Variants in DGKB observed in about 807,000 individuals in gnomAD.
DGKB encodes the protein 90 kDa diacylglycerol kinase.
Under a neutral mutation model 114.3 loss-of-function variants are expected in DGKB, and 67 were observed. The ratio of observed to expected loss-of-function variants is 0.59; its 90% CI spans 0.48 to 0.72. The LOEUF is 0.72. Among genes scored for constraint, DGKB ranks in the 30% least tolerant of loss-of-function variants. DGKB has a pLI of 0.00. For synonymous variants in DGKB, 398 were observed against 323.1 expected (o/e 1.23, Z -2.49); for missense variants, 907 against 975.2 (o/e 0.93, Z 0.93).
intron 2 of DGKB, among the ~76,000 whole-genome samples, chr7:14,767,800 A>C (rs1048507848): frequency 1.3e-5 from 2 of 152,008 alleles, no homozygotes; most frequent in Non-Finnish European, 2.9e-5. Context: ...GAATGTGTAC[A>C]TTAAAAATAT....
At chr7:14,739,468 G>T (rs191667179) in intron 4 of DGKB, among the ~76,000 whole-genome samples, 1 of 152,306 alleles carries the variant, frequency 6.6e-6, no homozygotes, top group African/African-American at 2.4e-5. Context: ...GTGGAAACCC[G>T]AATGCAGGAC....
In DGKB at chr7:14,276,366, C is replaced by G. The variant is rs189312763; in HGVS notation, c.2122+62149G>C. Among the ~76,000 whole-genome samples the G allele has an allele frequency of 8.5e-5, 13 of 152,246 alleles. No individual in the cohort carries two copies. In the East Asian group the frequency reaches 2.5e-3, roughly 29 times the overall value. The stretch of plus-strand genomic sequence containing the variant: ...GTACTTCTTTCAAAAAGTATTTTCT[C>G]AACCAATAAAGACATGATAAAATAT... On this transcript the variant is annotated intron_variant, in intron 23 of 25. Coordinates refer to ENST00000402815, the MANE Select transcript of DGKB (RefSeq NM_001350709.2).
intron 21 of DGKB, among the ~76,000 whole-genome samples, chr7:14,349,716 AAATTTT>A (rs1414005714): frequency 6.6e-6 from 1 of 152,178 alleles, no homozygotes; most frequent in Admixed American, 6.6e-5. Context: ...GAAGGCTGTT[AAATTTT>A]ATTTTTTTCA....
chr7:14,928,049 G>A (rs1367305299), intron 1 of DGKB, among the ~76,000 whole-genome samples: 4 of 151,886 alleles, frequency 2.6e-5, no homozygotes, highest in Non-Finnish European at 4.4e-5. Context: ...TAATGAAATA[G>A]TCTGTGAATT....
At chr7:14,885,773 C>A (rs1437403770) in intron 1 of DGKB, among the ~76,000 whole-genome samples, 2 of 151,842 alleles carry the variant, frequency 1.3e-5, no homozygotes, top group Admixed American at 1.3e-4. Context: ...ATTTGAAAAA[C>A]TGAACATTGT....
chr7:14,943,050 A>G (rs1020632839), intron 1 of DGKB, among the ~76,000 whole-genome samples: 1 of 151,932 alleles, frequency 6.6e-6, no homozygotes, highest in East Asian at 1.9e-4. Context: ...TTGCTCATTA[A>G]ATATTCGTTG....
intron 13 of DGKB, among the ~76,000 whole-genome samples, chr7:14,670,914 T>A (rs1818858685): frequency 6.6e-6 from 1 of 152,212 alleles, no homozygotes; most frequent in South Asian, 2.1e-4. Flanking sequence ...ATACTAGGCA[T>A]GCAATGAATA....
intron 21 of DGKB, among the ~76,000 whole-genome samples, chr7:14,399,972 T>A (rs1230420452): frequency 5.3e-5 from 8 of 151,842 alleles, no homozygotes. Context: ...CACCATAAAT[T>A]TTGACGATAA....
At chr7:14,402,432 T>A (rs1346896942) in intron 21 of DGKB, among the ~76,000 whole-genome samples, 1 of 152,016 alleles carries the variant, frequency 6.6e-6, no homozygotes, top group African/African-American at 2.4e-5. Flanking sequence ...GCTAATACAA[T>A]TCTTTATGAC....
At chr7:14,338,428 T>C in intron 23 of DGKB, 87 bp downstream of exon 23, 2 of 714,018 alleles carry the variant, frequency 2.8e-6, no homozygotes, top group Non-Finnish European at 4.4e-6. Context: ...TAAATTATTA[T>C]AGTGCAACGG....
intron 2 of DGKB, among the ~76,000 whole-genome samples, chr7:14,805,113 T>C (rs945852028): frequency 6.6e-6 from 1 of 152,110 alleles, no homozygotes; most frequent in African/African-American, 2.4e-5. Context: ...AGAAATTTTT[T>C]AGTTGTCTCC....
intron 1 of DGKB, among the ~76,000 whole-genome samples, chr7:14,870,251 C>G (rs1852255865): frequency 6.6e-6 from 1 of 152,162 alleles, no homozygotes; most frequent in African/African-American, 2.4e-5. Context: ...CCTCTCCACT[C>G]TCCTGTTTCT....
At chr7:14,532,233 T>C (rs1180264917) in intron 20 of DGKB, among the ~76,000 whole-genome samples, 1 of 139,622 alleles carries the variant, frequency 7.2e-6, no homozygotes, top group South Asian at 2.3e-4. Context: ...AAACCTAAAA[T>C]GTCATGAGAC....
At chr7:14,672,128 T>A (rs531117713) in intron 13 of DGKB, among the ~76,000 whole-genome samples, 1 of 152,202 alleles carries the variant, frequency 6.6e-6, no homozygotes, top group African/African-American at 2.4e-5. Context: ...ATATGATTAA[T>A]TTCTAGGTTG....
intron 22 of DGKB, among the ~76,000 whole-genome samples, chr7:14,342,204 C>T (rs1484427818): frequency 6.6e-6 from 1 of 151,788 alleles, no homozygotes; most frequent in Non-Finnish European, 1.5e-5. Flanking sequence ...TTAATCATTA[C>T]AATAAATCAG....
chr7:14,414,421 A>T (rs1001487340), intron 21 of DGKB, among the ~76,000 whole-genome samples: 2 of 152,140 alleles, frequency 1.3e-5, no homozygotes, highest in African/African-American at 4.8e-5. Context: ...TGGAGATGGC[A>T]TAGTGTGGTA....
At chr7:14,360,256 T>G (rs1179846381) in intron 21 of DGKB, among the ~76,000 whole-genome samples, 1 of 151,766 alleles carries the variant, frequency 6.6e-6, no homozygotes, top group Non-Finnish European at 1.5e-5. Context: ...AGGTGGGAAT[T>G]GAACAATGAG....
At chr7:14,576,537 T>G (rs528968155) in intron 19 of DGKB, among the ~76,000 whole-genome samples, 1 of 152,134 alleles carries the variant, frequency 6.6e-6, no homozygotes, top group African/African-American at 2.4e-5. Flanking sequence ...CATATAATTA[T>G]ATATTATAAT....
chr7:14,687,962 A>G (rs1822013264), intron 9 of DGKB, among the ~76,000 whole-genome samples: 1 of 152,202 alleles, frequency 6.6e-6, no homozygotes, highest in Non-Finnish European at 1.5e-5. Context: ...CCAAAAAACA[A>G]ATTAAATGGC....
Sources: allele counts gnomAD v4.1 joint callset (sites outside exome capture counted in the v4.1 genomes callset), GRCh38; gene constraint gnomAD v4.1.1; transcripts MANE v1.5; gene names NCBI Gene and HGNC (gene_info 2026-07-23, HGNC 2026-07-21).